MKNK1: variants seen among roughly 807,000 people sequenced by gnomAD.
The protein encoded by MKNK1 is MAPK interacting serine/threonine kinase 1.
In MKNK1, 30 loss-of-function variants were observed where a neutral mutation model predicts 49.3. That is an observed-to-expected ratio of 0.61 (90% CI 0.46 to 0.83). The LOEUF (loss-of-function observed/expected upper bound fraction) is 0.83. Among genes scored for constraint, MKNK1 ranks in the 40% least tolerant of loss-of-function variants. The pLI, the probability that MKNK1 is intolerant of heterozygous loss-of-function variation, is 0.00. For missense variants in MKNK1, 423 were observed against 524.7 expected, an observed-to-expected ratio of 0.81 and a Z score of 1.89; for synonymous variants, 176 against 201.7, an observed-to-expected ratio of 0.87 and a Z score of 1.08.
At chr1:46,586,574 T>C (rs1292752826) in intron 2 of MKNK1, among the ~76,000 whole-genome samples, 1 of 152,116 alleles carries the variant, frequency 6.6e-6, no homozygotes, top group Admixed American at 6.5e-5. Flanking sequence ...CATCAGAAAT[T>C]GCACTGAAAT....
chr1:46,595,142 T>G (rs924838702), intron 1 of MKNK1: 3 of 155,834 alleles, frequency 1.9e-5, no homozygotes, highest in African/African-American at 7.2e-5. Flanking sequence ...GAATACATAA[T>G]TATTGCTAGT....
intron 1 of MKNK1, among the ~76,000 whole-genome samples, chr1:46,601,338 C>G (rs528504775): frequency 1.4e-4 from 22 of 152,354 alleles, no homozygotes; most frequent in Admixed American, 3.9e-4. Flanking sequence ...CAAGAAATAA[C>G]TTTCTCTTCC....
chr1:46,561,533 T>A lies in MKNK1; in HGVS notation c.914A>T (p.Asp305Val), dbSNP rs758790407. ...GGCGGCGCTAAGTCTCTGCTTTGCA[T>A]CTCGCACCAGGAGCTTGGAGATGAG... ...KDLISKLLVR[D>V]AKQRLSAAQV... The change falls in exon 11 of 13, where the codon GAT (aspartate) becomes GTT (valine). Residue 305 changes from aspartate to valine, a missense_variant. Transcript: ENST00000371945. 3.7e-6 allele frequency: 6 copies of A among 1,614,056 alleles called. No homozygotes were observed. The Admixed American group carries it at 6.7e-5, about 18-fold the overall frequency.
At position 46,564,044 on chromosome 1, in the gene MKNK1, C is replaced by CAAAAAAAAAAAAAAAAAAAA. The variant is rs1217205121; in HGVS notation, c.609+977_609+996dup. On this transcript the variant is annotated intron_variant, in intron 9 of 12. Transcript: ENST00000371945. ...TGGGCAACAGAGCAAGACTCTGTCT[C>CAAAAAAAAAAAAAAAAAAAA]AAAAAAAAAAAAAAAAAAAAAGGGT... 4.3e-4 allele frequency among the ~76,000 whole-genome samples: 17 copies of CAAAAAAAAAAAAAAAAAAAA among 39,084 alleles called. 1 individual carries two copies. Among genetic ancestry groups the CAAAAAAAAAAAAAAAAAAAA allele is most frequent in the African/African-American group, 1.4e-3 (13 of 9,206 alleles). The allele number at this position is 39,084 out of a possible 152,430, so 25.6% of individuals were successfully genotyped here. A position where few individuals can be genotyped will look rare whatever the true frequency, so the allele number is the denominator to read the frequency against.
At chr1:46,583,195 C>T (rs1238161400) in intron 3 of MKNK1, 33 bp downstream of exon 3, 9 of 1,562,342 alleles carry the variant, frequency 5.8e-6, no homozygotes, top group Non-Finnish European at 7.0e-6. Flanking sequence ...TGGGAAGCTG[C>T]AGGCCCAGAT....
At chr1:46,572,218 A>G in intron 6 of MKNK1, 51 bp from the exon 7 acceptor site, 1 of 1,512,950 alleles carries the variant, frequency 6.6e-7, no homozygotes. Flanking sequence ...TCTAGTAAGT[A>G]TAAGTTTTTT....
At position 46,589,121 on chromosome 1, in the gene MKNK1, T is replaced by C. The variant is rs1413353530; in HGVS notation, c.-3+4992A>G. On this transcript the variant is annotated intron_variant, in intron 2 of 12. Transcript: ENST00000371945. The surrounding 1 kb of genome is among the most constrained non-coding windows in gnomAD (Gnocchi z 4.3). ...ATCGTCTGGTGCTAGACAGTGAGAGTATAAGAGAAGACACAGTCTCTTCCC... is the reference window on the plus strand; with the variant it reads ...ATCGTCTGGTGCTAGACAGTGAGAGCATAAGAGAAGACACAGTCTCTTCCC... 6.6e-6 allele frequency among the ~76,000 whole-genome samples: 1 copy of C among 152,214 alleles called. No individual in the cohort carries two copies. The highest frequency in any genetic ancestry group is 1.5e-5 in the Non-Finnish European group (1 of 68,040).
At position 46,558,781 on chromosome 1, in the gene MKNK1, G is replaced by A. The variant is rs1356791723; in HGVS notation, c.1033C>T (p.Leu345=). Residue 345 remains leucine (L), a synonymous_variant, in exon 13 of 13, where the codon CTG becomes TTG. Transcript: ENST00000371945. The stretch of plus-strand genomic sequence containing the variant: ...ATGGCCTCAGCTGCGAAGAGCGTCA[G>A]GTCCATTGTGCTGCTGTTCCTGCAG... The part of the protein sequence containing the change: ...VLQRNSSTMD[L]TLFAAEAIAL... 2 of 1,613,872 alleles carry A rather than the reference G, an allele frequency of 1.2e-6. No homozygotes were observed. Among genetic ancestry groups the A allele is most frequent in the Admixed American group, 3.3e-5 (2 of 60,010 alleles).
At chr1:46,584,030 T>C (rs965754827) in intron 2 of MKNK1, among the ~76,000 whole-genome samples, 6 of 152,214 alleles carry the variant, frequency 3.9e-5, no homozygotes, top group Admixed American at 1.3e-4. Context: ...AGGTCACTTA[T>C]TGCAAAAAAC....
chr1:46,592,150 G>C (rs2148747693), intron 2 of MKNK1, among the ~76,000 whole-genome samples: 1 of 152,354 alleles, frequency 6.6e-6, no homozygotes, highest in East Asian at 1.9e-4. Context: ...TGAAGCAGGA[G>C]AATCACTTGA....
intron 11 of MKNK1, among the ~76,000 whole-genome samples, chr1:46,560,720 A>G (rs2148540077): frequency 6.6e-6 from 1 of 152,314 alleles, no homozygotes; most frequent in East Asian, 1.9e-4. Context: ...GAGCACAGAG[A>G]CAGGGACTGG....
intron 2 of MKNK1, among the ~76,000 whole-genome samples, chr1:46,584,140 G>A (rs77767038): frequency 5.2e-4 from 79 of 152,312 alleles, no homozygotes; most frequent in African/African-American, 1.8e-3. Flanking sequence ...GAAAAAGTCC[G>A]GATGGAAAGA....
At chr1:46,567,673 A>C (rs753832167) in intron 8 of MKNK1, among the ~76,000 whole-genome samples, 1 of 152,154 alleles carries the variant, frequency 6.6e-6, no homozygotes, top group Non-Finnish European at 1.5e-5. Context: ...CATCCAGACC[A>C]CAATATATAT....
chr1:46,571,050 C>A (rs1443384303), intron 7 of MKNK1, among the ~76,000 whole-genome samples: 1 of 151,370 alleles, frequency 6.6e-6, no homozygotes, highest in African/African-American at 2.4e-5. Flanking sequence ...TGCTGTTAGG[C>A]AAATTTAAAA....
intron 1 of MKNK1, among the ~76,000 whole-genome samples, chr1:46,600,843 C>A (rs570331167): frequency 8.6e-5 from 13 of 152,036 alleles, no homozygotes; most frequent in Admixed American, 8.5e-4. Flanking sequence ...GTATTAACAA[C>A]GTAGTAGACT....
intron 9 of MKNK1, 53 bp from the exon 10 acceptor site, chr1:46,562,896 A>C (rs558513614): frequency 1.4e-5 from 20 of 1,437,212 alleles, no homozygotes; most frequent in Non-Finnish European, 1.9e-5. Context: ...AGAGAGGCTT[A>C]GTTACAGCAG....
chr1:46,598,955 A>G (rs1674401483), intron 1 of MKNK1, among the ~76,000 whole-genome samples: 1 of 152,262 alleles, frequency 6.6e-6, no homozygotes, highest in Admixed American at 6.5e-5. Context: ...CATCTATAAA[A>G]TGGGGGCAAT....
In MKNK1 at chr1:46,574,933, T is replaced by G. The variant is rs1410016148; in HGVS notation, c.352+14A>C. Reference sequence around the variant, plus strand: ...CTTAATCAGAAGTCCACACACATACTCAACGGTAAGTACCTCCTTGCAATT... The same window carrying G: ...CTTAATCAGAAGTCCACACACATACGCAACGGTAAGTACCTCCTTGCAATT... On this transcript the variant is annotated intron_variant, in intron 6 of 12. Transcript: ENST00000371945. The G allele has an allele frequency of 3.1e-6, 5 of 1,587,742 alleles. No homozygotes were observed. Among genetic ancestry groups the G allele is most frequent in the Non-Finnish European group, 4.3e-6 (5 of 1,157,014 alleles).
At chr1:46,573,381 A>G (rs1221804547) in intron 6 of MKNK1, among the ~76,000 whole-genome samples, 1 of 152,214 alleles carries the variant, frequency 6.6e-6, no homozygotes, top group Middle Eastern at 3.2e-3. Context: ...TGTAATTAAC[A>G]GTCAGTCATG....
Sources: allele counts gnomAD v4.1 joint callset (sites outside exome capture counted in the v4.1 genomes callset), GRCh38; gene constraint gnomAD v4.1.1; non-coding constraint Gnocchi (gnomAD v3.1); transcripts MANE v1.5; gene names NCBI Gene and HGNC (gene_info 2026-07-23, HGNC 2026-07-21).